OTUD7A: variants seen among roughly 807,000 people sequenced by gnomAD.
OTUD7A encodes the protein OTU deubiquitinase 7A, also known as OTU domain-containing protein 7A.
A neutral mutation model predicts 65.7 loss-of-function variants in OTUD7A; 12 were observed. That is an observed-to-expected ratio of 0.18 (90% CI 0.12 to 0.30). The LOEUF is 0.30. OTUD7A is among the 10% of genes least tolerant of loss of function. The pLI is 1.00. For synonymous variants in OTUD7A, 641 were observed against 586.3 expected, an observed-to-expected ratio of 1.09 and a Z score of -1.35; for missense variants, 1,148 against 1,304.8, an observed-to-expected ratio of 0.88 and a Z score of 1.85.
At chr15:31,810,947 C>T (rs932167638) in intron 1 of OTUD7A, among the ~76,000 whole-genome samples, 1 of 152,288 alleles carries the variant, frequency 6.6e-6, no homozygotes, top group East Asian at 1.9e-4. Context: ...AGTCCCCAGT[C>T]CATGAGGTGC....
In OTUD7A at chr15:31,579,199, T is replaced by C. The variant is rs892283928; in HGVS notation, c.152-9002A>G. Among the ~76,000 whole-genome samples the C allele has an allele frequency of 2.1e-4, 32 of 152,070 alleles. 1 individual carries two copies. Among genetic ancestry groups the C allele is most frequent in the Admixed American group, 2.1e-3 (32 of 15,272 alleles). ...GAGGAAAAAACATGAGGCAGGAAGT[T>C]TGTAAGGGGATTGGGCAGAAAAAGC... On this transcript the variant is annotated intron_variant, in intron 3 of 12. Coordinates refer to ENST00000307050, the MANE Select transcript of OTUD7A (RefSeq NM_001382637.1).
At chr15:31,854,533 A>C (rs975830053) in intron 1 of OTUD7A, among the ~76,000 whole-genome samples, 4 of 152,160 alleles carry the variant, frequency 2.6e-5, no homozygotes, top group Admixed American at 6.5e-5. Flanking sequence ...ATGTCAGGCA[A>C]AGTCCTGAAG....
intron 1 of OTUD7A, among the ~76,000 whole-genome samples, chr15:31,827,613 C>G (rs1353271436): frequency 6.6e-6 from 1 of 152,124 alleles, no homozygotes; most frequent in Non-Finnish European, 1.5e-5. Flanking sequence ...TAATGTTCTC[C>G]TTCTTTTCTA....
intron 1 of OTUD7A, among the ~76,000 whole-genome samples, chr15:31,677,137 ATCCCCACTTC>A (rs1366902200): frequency 6.6e-6 from 1 of 152,214 alleles, no homozygotes; most frequent in Non-Finnish European, 1.5e-5. Flanking sequence ...CTCCCACTGC[ATCCCCACTTC>A]TCCCTTATCT....
chr15:31,652,605 A>C (rs1268101135), intron 3 of OTUD7A, among the ~76,000 whole-genome samples: 1 of 152,262 alleles, frequency 6.6e-6, no homozygotes, highest in Non-Finnish European at 1.5e-5. Flanking sequence ...ATTTATATTC[A>C]GAATATGTAA....
chr15:31,786,120 G>A (rs1039144364), intron 1 of OTUD7A, among the ~76,000 whole-genome samples: 1 of 151,878 alleles, frequency 6.6e-6, no homozygotes, highest in Non-Finnish European at 1.5e-5. Flanking sequence ...CGCCACCTGG[G>A]GACTCTGCAG....
chr15:31,802,095 GTGTATATA>G (rs1896141151), intron 1 of OTUD7A, among the ~76,000 whole-genome samples: 2 of 60,910 alleles, frequency 3.3e-5, no homozygotes, highest in African/African-American at 5.6e-5. Flanking sequence ...ATATATGTGT[GTGTATATA>G]TGTGTGTGTG....
At position 31,498,150 on chromosome 15, in the gene OTUD7A, G is replaced by C. The variant is rs1201205608; in HGVS notation, c.1171+3540C>G. ...TTACCAAGAGTTAGCTGCCATTTTGGACTGTAGAGCCTCCTGGGGTATTTG... is the reference window on the plus strand; with the variant it reads ...TTACCAAGAGTTAGCTGCCATTTTGCACTGTAGAGCCTCCTGGGGTATTTG... On this transcript the variant is annotated intron_variant, in intron 10 of 12. Transcript: ENST00000307050. This position sits in a 1 kb window ranked among gnomAD's most constrained non-coding sequence, Gnocchi z 4.2. Among the ~76,000 whole-genome samples, 1 of 152,298 alleles carries C rather than the reference G, an allele frequency of 6.6e-6. No homozygotes were observed. Among genetic ancestry groups the C allele is most frequent in the South Asian group, 2.1e-4 (1 of 4,834 alleles).
intron 1 of OTUD7A, among the ~76,000 whole-genome samples, chr15:31,731,292 C>T (rs1283097748): frequency 1.3e-5 from 2 of 152,142 alleles, no homozygotes; most frequent in Non-Finnish European, 2.9e-5. Flanking sequence ...CAGATTTATT[C>T]ATAATTGCCA....
In OTUD7A at chr15:31,594,817, T is replaced by C. The variant is rs115875366; in HGVS notation, c.152-24620A>G. Among the ~76,000 whole-genome samples the C allele has an allele frequency of 3.4e-3, 512 of 152,254 alleles. 3 individuals are homozygous for C. Among genetic ancestry groups the C allele is most frequent in the African/African-American group, 0.012 (495 of 41,552 alleles). On this transcript the variant is annotated intron_variant, in intron 3 of 12. Transcript: ENST00000307050. Reference sequence around the variant, plus strand: ...AAGCAGATGAGGGTGGTGACAGGGATGGGTGCAGGTGCAGAACCCACTGTG... The same window carrying C: ...AAGCAGATGAGGGTGGTGACAGGGACGGGTGCAGGTGCAGAACCCACTGTG...
intron 10 of OTUD7A, among the ~76,000 whole-genome samples, chr15:31,490,718 A>G (rs768679005): frequency 3.3e-5 from 5 of 152,218 alleles, no homozygotes; most frequent in Admixed American, 6.5e-5. Flanking sequence ...GGAAATTCAC[A>G]TGCACCTGCA....
At chr15:31,485,018 C>T (rs1310657008) in intron 12 of OTUD7A, among the ~76,000 whole-genome samples, 1 of 152,234 alleles carries the variant, frequency 6.6e-6, no homozygotes, top group Non-Finnish European at 1.5e-5. Context: ...TGGGGGACCT[C>T]AGGTACTTGG....
At chr15:31,712,122 A>C (rs1268485526) in intron 1 of OTUD7A, among the ~76,000 whole-genome samples, 2 of 151,984 alleles carry the variant, frequency 1.3e-5, no homozygotes, top group Non-Finnish European at 2.9e-5. Context: ...TCAAAGGAAA[A>C]CTGAAAGAGC....
chr15:31,691,038 G>C (rs544321334), intron 1 of OTUD7A, among the ~76,000 whole-genome samples: 55 of 152,240 alleles, frequency 3.6e-4, no homozygotes, highest in African/African-American at 1.3e-3. Flanking sequence ...TCATATATCT[G>C]ATAAGGGATT....
chr15:31,780,787 T>C (rs1895518104), intron 1 of OTUD7A, among the ~76,000 whole-genome samples: 1 of 152,174 alleles, frequency 6.6e-6, no homozygotes, highest in Non-Finnish European at 1.5e-5. Flanking sequence ...TACATCTCTA[T>C]AGAAAAGAGG....
chr15:31,587,781 G>C (rs1279631982), intron 3 of OTUD7A, among the ~76,000 whole-genome samples: 2 of 152,116 alleles, frequency 1.3e-5, no homozygotes, highest in African/African-American at 4.8e-5. Flanking sequence ...GGCACCAAGT[G>C]ACTTCGCCTG....
intron 3 of OTUD7A, among the ~76,000 whole-genome samples, chr15:31,591,702 C>A (rs1160856465): frequency 1.3e-5 from 2 of 152,220 alleles, no homozygotes; most frequent in African/African-American, 4.8e-5. Context: ...CTATAATATA[C>A]ATGTACATGC....
At chr15:31,753,702 T>TA (rs1206556359) in intron 1 of OTUD7A, among the ~76,000 whole-genome samples, 266 of 11,112 alleles carry the variant, frequency 0.024, 8 homozygotes, top group Non-Finnish European at 0.043. Context: ...TATATATATA[T>TA]TATATATATA....
intron 1 of OTUD7A, among the ~76,000 whole-genome samples, chr15:31,674,186 CAA>C (rs978160135): frequency 6.6e-6 from 1 of 152,086 alleles, no homozygotes; most frequent in African/African-American, 2.4e-5. Context: ...AGGAAAAGTG[CAA>C]AGAGGGCATT....
Sources: gnomAD v4.1 joint callset for allele counts (sites outside exome capture counted in the v4.1 genomes callset) on GRCh38, gnomAD v4.1.1 for gene constraint, Gnocchi (gnomAD v3.1) non-coding constraint, MANE v1.5 for transcripts, NCBI Gene and HGNC (gene_info 2026-07-23, HGNC 2026-07-21) for gene names.